The following HOXA3 variants were observed in gnomAD, a reference collection of about 807,000 sequenced individuals.
The protein encoded by HOXA3 is homeobox protein Hox-A3.
In HOXA3, 8 loss-of-function variants were observed where a neutral mutation model predicts 30.3. The observed-to-expected ratio is 0.26, with a 90% CI of 0.15 to 0.48. The LOEUF (loss-of-function observed/expected upper bound fraction) is 0.48, where lower values mean the gene tolerates loss of function less well. Among genes scored for constraint, HOXA3 ranks in the 20% least tolerant of loss-of-function variants. HOXA3 has a pLI of 0.99. For missense variants in HOXA3, 653 were observed against 614.4 expected (o/e 1.06, Z -0.66); for synonymous variants, 323 against 273.1 (o/e 1.18, Z -1.80).
intron 1 of HOXA3, among the ~76,000 whole-genome samples, chr7:27,146,116 C>T (rs1014306388): frequency 1.3e-5 from 2 of 152,190 alleles, no homozygotes; most frequent in Non-Finnish European, 1.5e-5. Context: ...CCTATAACGA[C>T]TTGGGGTGGA....
chr7:27,130,487 C>A, intron 2 of HOXA3: 1 of 1,274,606 alleles, frequency 7.8e-7, no homozygotes. Context: ...GCAGGGTAGG[C>A]GGGCTCGCGG....
intron 3 of HOXA3, chr7:27,124,500 T>G (rs1300489938): frequency 6.6e-6 from 1 of 152,206 alleles, no homozygotes; most frequent in African/African-American, 2.4e-5. Context: ...CAAGATCTGG[T>G]GAGGGCCTGC....
At position 27,144,025 on chromosome 7, in the gene HOXA3, GC is replaced by G. The variant is rs1782668149; in HGVS notation, c.-493-3840del. ...ATGGCAAAATTATTGCATTTCCCTC[GC>G]AGTTCCATTAGGATGTACCAATTGT... On this transcript the variant is annotated intron_variant, in intron 1 of 5. Transcript: ENST00000612286. 2.0e-5 allele frequency among the ~76,000 whole-genome samples: 3 copies of G among 152,350 alleles called. No individual in the cohort carries two copies. In the South Asian group the frequency reaches 6.2e-4, roughly 32 times the overall value.
At chr7:27,147,210 C>G in intron 1 of HOXA3, 1 of 1,227,092 alleles carries the variant, frequency 8.1e-7, no homozygotes, top group Non-Finnish European at 1.1e-6. Context: ...TTCATCCTTT[C>G]TTTCTCTCTA....
At chr7:27,142,885 G>C in intron 1 of HOXA3, 1 of 651,852 alleles carries the variant, frequency 1.5e-6, no homozygotes, top group Non-Finnish European at 2.6e-6. Context: ...GCAAAGAAGA[G>C]GAGGAAGGAG....
intron 1 of HOXA3, 72 bp downstream of exon 1, chr7:27,152,216 C>T (rs1782997586): frequency 3.0e-6 from 3 of 1,001,786 alleles, no homozygotes; most frequent in Admixed American, 3.1e-5. Context: ...CCCTGGGTGC[C>T]CTCTCCCACC....
intron 2 of HOXA3, among the ~76,000 whole-genome samples, chr7:27,133,549 C>T (rs1222159532): frequency 6.6e-6 from 1 of 152,154 alleles, no homozygotes; most frequent in African/African-American, 2.4e-5. Flanking sequence ...TGCTCATTTC[C>T]ACGTGCAGGG....
intron 1 of HOXA3, 102 bp downstream of exon 1, chr7:27,152,186 G>C (rs1782996158): frequency 1.9e-6 from 1 of 535,570 alleles, no homozygotes; most frequent in African/African-American, 2.0e-5. Flanking sequence ...GTAAGGGGGA[G>C]TATGCCCCTC....
Position 27,145,869 on chromosome 7 carries a change from C to A in HOXA3, c.-493-5683G>T, listed in dbSNP as rs771048597. The A allele has an allele frequency of 3.3e-5, 54 of 1,614,072 alleles. No homozygotes were observed. The highest frequency in any genetic ancestry group is 1.8e-5 in the Non-Finnish European group (21 of 1,180,046). Reference sequence around the variant, plus strand: ...CTTCTCCAGCTCCAGTGTCTGGTAGCGCGTGTAGGTCTGGCGGCCTCGGCG... The same window carrying A: ...CTTCTCCAGCTCCAGTGTCTGGTAGAGCGTGTAGGTCTGGCGGCCTCGGCG... On this transcript the variant is annotated intron_variant, in intron 1 of 5. Transcript: ENST00000612286.
intron 2 of HOXA3, chr7:27,130,700 A>G: frequency 1.9e-6 from 3 of 1,608,094 alleles, no homozygotes; most frequent in Non-Finnish European, 2.5e-6. Context: ...GGCTCGATGT[A>G]GTTGGAGTTT....
At chr7:27,143,359 C>T in intron 1 of HOXA3, 1 of 1,584,256 alleles carries the variant, frequency 6.3e-7, no homozygotes. Flanking sequence ...TGTACCTGGG[C>T]TCGGCGGGCG....
At chr7:27,142,151 G>T in intron 1 of HOXA3, 1 of 1,556,886 alleles carries the variant, frequency 6.4e-7, no homozygotes. Flanking sequence ...AGGGGGACAA[G>T]CTTGGGTCAT....
At chr7:27,141,314 C>T (rs745981430) in intron 1 of HOXA3, 1 of 154,050 alleles carries the variant, frequency 6.5e-6, no homozygotes, top group African/African-American at 2.4e-5. Flanking sequence ...CACAGAGTCA[C>T]TAGTCACTAC....
intron 2 of HOXA3, among the ~76,000 whole-genome samples, chr7:27,127,310 C>T (rs1785325106): frequency 1.3e-5 from 2 of 152,120 alleles, no homozygotes; most frequent in South Asian, 2.1e-4. Flanking sequence ...TGATTGCTCC[C>T]GAATTTTCTT....
At chr7:27,117,985 G>A (rs1004692303) in intron 4 of HOXA3, among the ~76,000 whole-genome samples, 160 of 152,022 alleles carry the variant, frequency 1.1e-3, no homozygotes, top group Non-Finnish European at 1.2e-3. Context: ...TAAATTCAGA[G>A]TCTGAGGCGC....
intron 4 of HOXA3, among the ~76,000 whole-genome samples, chr7:27,114,686 C>T (rs1260417281): frequency 9.2e-5 from 13 of 142,014 alleles, no homozygotes. Flanking sequence ...AGTGCAGACA[C>T]GCAGCTCACC....
intron 4 of HOXA3, among the ~76,000 whole-genome samples, chr7:27,119,864 G>A (rs1019643823): frequency 6.6e-6 from 1 of 152,174 alleles, no homozygotes; most frequent in African/African-American, 2.4e-5. Flanking sequence ...CAATATTTCA[G>A]TAAGGTTCAA....
intron 2 of HOXA3, among the ~76,000 whole-genome samples, chr7:27,135,181 CTT>C (rs148171754): frequency 6.8e-6 from 1 of 147,750 alleles, no homozygotes; most frequent in Non-Finnish European, 1.5e-5. Context: ...TTCTCCTTGG[CTT>C]TTTTTTTTAA....
At chr7:27,123,183 G>A (rs1785123867) in intron 3 of HOXA3, 1 of 152,456 alleles carries the variant, frequency 6.6e-6, no homozygotes, top group Admixed American at 6.5e-5. Flanking sequence ...ACTGGCCAGA[G>A]GCAGTCTTGG....
Sources: allele counts gnomAD v4.1 joint callset (sites outside exome capture counted in the v4.1 genomes callset), GRCh38; gene constraint gnomAD v4.1.1; transcripts MANE v1.5; gene names NCBI Gene and HGNC (gene_info 2026-07-23, HGNC 2026-07-21).